Variants in FLT1 observed in about 807,000 individuals in gnomAD.
FLT1 encodes fms related receptor tyrosine kinase 1.
Under a neutral mutation model 156.3 loss-of-function variants are expected in FLT1, and 49 were observed. The observed-to-expected ratio is 0.31, with a 90% CI of 0.25 to 0.40. The LOEUF is 0.40. Among genes scored for constraint, FLT1 ranks in the 10% least tolerant of loss-of-function variants. The probability of loss-of-function intolerance (pLI) is 1.00; values close to 1 mark genes in which losing one functional copy is unlikely to be tolerated. For missense variants in FLT1, 1,322 were observed against 1,637.2 expected (o/e 0.81, Z 3.32); for synonymous variants, 594 against 583.8 (o/e 1.02, Z -0.25).
chr13:28,328,496 G>C (rs1349470634), intron 19 of FLT1: 2 of 152,326 alleles, frequency 1.3e-5, no homozygotes, highest in African/African-American at 2.4e-5. Context: ...AGGGCATGCC[G>C]GGAGCCCAGA....
chr13:28,340,475 T>C (rs763628337), intron 16 of FLT1, among the ~76,000 whole-genome samples: 4 of 152,218 alleles, frequency 2.6e-5, no homozygotes, highest in South Asian at 2.1e-4. Context: ...AATGGGCAAA[T>C]TTCTAGAATT....
At chr13:28,356,697 C>T (rs957645803) in intron 15 of FLT1, among the ~76,000 whole-genome samples, 11 of 152,162 alleles carry the variant, frequency 7.2e-5, no homozygotes, top group African/African-American at 2.4e-4. Flanking sequence ...AGTTCCTCCC[C>T]GCAAAATACT....
chr13:28,460,328 A>T (rs576946869), intron 3 of FLT1, among the ~76,000 whole-genome samples: 9 of 152,234 alleles, frequency 5.9e-5, no homozygotes, highest in Non-Finnish European at 1.2e-4. Flanking sequence ...TGCTTTAAAA[A>T]ATACTTACAA....
At chr13:28,379,882 T>C (rs759165582) in intron 14 of FLT1, among the ~76,000 whole-genome samples, 1 of 152,182 alleles carries the variant, frequency 6.6e-6, no homozygotes, top group Non-Finnish European at 1.5e-5. Context: ...CTACCCCAAG[T>C]AGGCATTTTA....
At chr13:28,327,780 G>A (rs535138194) in intron 19 of FLT1, among the ~76,000 whole-genome samples, 121 of 135,342 alleles carry the variant, frequency 8.9e-4, no homozygotes, top group African/African-American at 3.0e-3. Context: ...AAAAAAAGGA[G>A]GTGAGGGGCA....
chr13:28,413,529 A>G (rs1369586387), intron 10 of FLT1, among the ~76,000 whole-genome samples: 1 of 152,144 alleles, frequency 6.6e-6, no homozygotes, highest in Non-Finnish European at 1.5e-5. Flanking sequence ...GCCTCACAGG[A>G]TACCTATTTT....
intron 14 of FLT1, among the ~76,000 whole-genome samples, chr13:28,382,940 A>G (rs749372865): frequency 2.2e-4 from 34 of 152,196 alleles, no homozygotes; most frequent in Admixed American, 1.7e-3. Context: ...CTGTGCATCA[A>G]ACTCAAATGG....
intron 11 of FLT1, among the ~76,000 whole-genome samples, chr13:28,405,123 G>A (rs1392830024): frequency 1.3e-5 from 2 of 152,088 alleles, no homozygotes; most frequent in Non-Finnish European, 2.9e-5. Context: ...AAAGCCACTA[G>A]GTCTGAGATC....
intron 3 of FLT1, among the ~76,000 whole-genome samples, chr13:28,454,080 G>A (rs1879129274): frequency 6.6e-6 from 1 of 152,062 alleles, no homozygotes; most frequent in Non-Finnish European, 1.5e-5. Flanking sequence ...AGCACCCCCA[G>A]TCCACACCCC....
chr13:28,413,969 T>C (rs978368128), intron 10 of FLT1, among the ~76,000 whole-genome samples: 5 of 152,216 alleles, frequency 3.3e-5, no homozygotes, highest in African/African-American at 1.2e-4. Context: ...TTACCAGTCT[T>C]GTTGATTTCT....
chr13:28,440,615 T>C (rs1330059315), intron 3 of FLT1, among the ~76,000 whole-genome samples: 1 of 152,090 alleles, frequency 6.6e-6, no homozygotes, highest in Non-Finnish European at 1.5e-5. Flanking sequence ...GAGAGCAGGC[T>C]TTGGGGCAGG....
intron 3 of FLT1, among the ~76,000 whole-genome samples, chr13:28,455,426 A>C (rs1032718405): frequency 6.6e-6 from 1 of 152,226 alleles, no homozygotes; most frequent in South Asian, 2.1e-4. Flanking sequence ...GGGCATCTGC[A>C]TACAAACAAA....
intron 22 of FLT1, 50 bp from the exon 23 acceptor site, chr13:28,321,635 T>G: frequency 6.3e-7 from 1 of 1,590,486 alleles, no homozygotes; most frequent in Non-Finnish European, 8.6e-7. Flanking sequence ...CCTAACCAAC[T>G]AATTTCCTAC....
intron 3 of FLT1, among the ~76,000 whole-genome samples, chr13:28,459,795 T>G (rs1879463195): frequency 6.6e-6 from 1 of 152,256 alleles, no homozygotes; most frequent in African/African-American, 2.4e-5. Context: ...TTATAGTGAT[T>G]CCATTGACAT....
intron 4 of FLT1, among the ~76,000 whole-genome samples, chr13:28,435,581 A>C (rs187727243): frequency 6.6e-6 from 1 of 152,204 alleles, no homozygotes; most frequent in Non-Finnish European, 1.5e-5. Context: ...AACCTTTTCT[A>C]TCGCCTTTTA....
intron 1 of FLT1, among the ~76,000 whole-genome samples, chr13:28,469,901 G>A (rs558291288): frequency 3.3e-5 from 5 of 152,062 alleles, no homozygotes; most frequent in East Asian, 1.9e-4. Context: ...CTACAGGTGC[G>A]CATCATCAGC....
intron 27 of FLT1, among the ~76,000 whole-genome samples, chr13:28,310,065 T>G (rs552836557): frequency 9.9e-5 from 15 of 152,126 alleles, no homozygotes; most frequent in African/African-American, 3.4e-4. Flanking sequence ...AATTTTTGTA[T>G]TTTTAGTAGA....
At chr13:28,351,128 TCA>T (rs1346234570) in intron 15 of FLT1, among the ~76,000 whole-genome samples, 1 of 152,084 alleles carries the variant, frequency 6.6e-6, no homozygotes, top group African/African-American at 2.4e-5. Flanking sequence ...CTGAAACAAA[TCA>T]GATTTGGACC....
chr13:28,410,289 C>T (rs1391547356), intron 10 of FLT1, among the ~76,000 whole-genome samples: 9 of 152,150 alleles, frequency 5.9e-5, no homozygotes, highest in East Asian at 3.9e-4. Flanking sequence ...AAGGGAAAGC[C>T]CAGCTGGGTG....
Sources: allele counts gnomAD v4.1 joint callset (sites outside exome capture counted in the v4.1 genomes callset), GRCh38; gene constraint gnomAD v4.1.1; transcripts MANE v1.5; gene names NCBI Gene and HGNC (gene_info 2026-07-23, HGNC 2026-07-21).